Variants in CDH2 observed in about 807,000 individuals in gnomAD.
CDH2 encodes the protein cadherin-2.
CDH2 carries 17 observed loss-of-function variants against 92.0 expected under a neutral mutation model. The ratio of observed to expected loss-of-function variants is 0.18; its 90% CI spans 0.13 to 0.28. The LOEUF is 0.28. Ranked by LOEUF, CDH2 falls within the 10% of genes least tolerant of loss-of-function variation. CDH2 has a pLI of 1.00. For synonymous variants in CDH2, 419 were observed against 415.9 expected (o/e 1.01, Z -0.09); for missense variants, 862 against 1,133.1 (o/e 0.76, Z 3.44).
intron 4 of CDH2, among the ~76,000 whole-genome samples, chr18:28,010,396 C>T (rs1599031193): frequency 1.3e-5 from 2 of 152,026 alleles, no homozygotes; most frequent in African/African-American, 2.4e-5. Flanking sequence ...CAAAGCTTTC[C>T]GTATCATTTT....
chr18:28,031,838 T>C (rs2013703313), intron 2 of CDH2, among the ~76,000 whole-genome samples: 1 of 152,164 alleles, frequency 6.6e-6, no homozygotes, highest in South Asian at 2.1e-4. Context: ...TTCCTTTTTC[T>C]TTAAGTGACA....
intron 2 of CDH2, among the ~76,000 whole-genome samples, chr18:28,080,923 T>C (rs1434371773): frequency 1.3e-5 from 2 of 152,224 alleles, no homozygotes; most frequent in Non-Finnish European, 2.9e-5. Context: ...CTGGAAAGCA[T>C]AGTTGTGCCT....
At chr18:28,095,359 T>C (rs1322026330) in intron 2 of CDH2, among the ~76,000 whole-genome samples, 3 of 151,982 alleles carry the variant, frequency 2.0e-5, no homozygotes, top group East Asian at 1.9e-4. Flanking sequence ...GGTGGGAGAA[T>C]TGCTTGAGGT....
intron 2 of CDH2, among the ~76,000 whole-genome samples, chr18:28,116,126 C>T (rs780634445): frequency 6.6e-6 from 1 of 152,102 alleles, no homozygotes; most frequent in African/African-American, 2.4e-5. Flanking sequence ...ATTCACAGAA[C>T]GACGACCCTA....
At chr18:28,055,171 G>A (rs1180342025) in intron 2 of CDH2, among the ~76,000 whole-genome samples, 1 of 152,142 alleles carries the variant, frequency 6.6e-6, no homozygotes, top group African/African-American at 2.4e-5. Context: ...AGACAAGAAT[G>A]AGAGCCAAGC....
intron 1 of CDH2, among the ~76,000 whole-genome samples, chr18:28,164,098 C>T (rs1269053394): frequency 6.6e-6 from 1 of 152,152 alleles, no homozygotes; most frequent in Non-Finnish European, 1.5e-5. Context: ...TATCACACTT[C>T]ACAATAAAAA....
At chr18:28,171,358 T>A in intron 1 of CDH2, among the ~76,000 whole-genome samples, 1 of 152,060 alleles carries the variant, frequency 6.6e-6, no homozygotes, top group Non-Finnish European at 1.5e-5. Flanking sequence ...GGCTATCTTC[T>A]CTCAAAGAAA....
chr18:28,103,983 G>A (rs994690557), intron 2 of CDH2, among the ~76,000 whole-genome samples: 2 of 152,156 alleles, frequency 1.3e-5, no homozygotes, highest in Non-Finnish European at 2.9e-5. Flanking sequence ...TGGCCCAGGA[G>A]AAGTTGGGGC....
intron 7 of CDH2, among the ~76,000 whole-genome samples, chr18:27,996,095 C>T (rs1472844249): frequency 6.6e-6 from 1 of 152,006 alleles, no homozygotes. Context: ...GAATAAAATC[C>T]AAAATCATCT....
chr18:28,043,470 ATAT>A (rs1567976422), intron 2 of CDH2, among the ~76,000 whole-genome samples: 1 of 59,896 alleles, frequency 1.7e-5, no homozygotes, highest in Non-Finnish European at 3.0e-5. Flanking sequence ...AAATATATAT[ATAT>A]ATATATATAT....
chr18:28,165,944 C>T (rs946151334), intron 1 of CDH2, among the ~76,000 whole-genome samples: 1 of 151,050 alleles, frequency 6.6e-6, no homozygotes, highest in Non-Finnish European at 1.5e-5. Context: ...TATACAAAAT[C>T]CAGGGGACAA....
chr18:28,138,816 G>C (rs1192772741), intron 2 of CDH2, among the ~76,000 whole-genome samples: 1 of 152,080 alleles, frequency 6.6e-6, no homozygotes, highest in Non-Finnish European at 1.5e-5. Context: ...AGTCACCAGT[G>C]GGTAAAAATT....
At chr18:28,070,723 A>C (rs970561196) in intron 2 of CDH2, among the ~76,000 whole-genome samples, 3 of 152,192 alleles carry the variant, frequency 2.0e-5, no homozygotes, top group African/African-American at 7.2e-5. Context: ...TGGGGACAAC[A>C]AAGTGTAAAC....
chr18:28,170,288 T>C (rs774857423), intron 1 of CDH2, among the ~76,000 whole-genome samples: 1 of 152,316 alleles, frequency 6.6e-6, no homozygotes, highest in Middle Eastern at 3.4e-3. Flanking sequence ...CTGTGTCAAA[T>C]TAATCCTCAT....
At chr18:27,934,266 A>G (rs1251205160) in intron 6 of CDH2, among the ~76,000 whole-genome samples, 5 of 152,060 alleles carry the variant, frequency 3.3e-5, no homozygotes, top group Non-Finnish European at 5.9e-5. Context: ...GTCTGTATCG[A>G]TGTCTGTCAA....
intron 2 of CDH2, among the ~76,000 whole-genome samples, chr18:28,130,600 C>A (rs2015751153): frequency 6.6e-6 from 1 of 152,230 alleles, no homozygotes; most frequent in Non-Finnish European, 1.5e-5. Context: ...AATTCACTGG[C>A]ACAAGTCCTG....
At chr18:28,027,636 T>C (rs1374061464) in intron 2 of CDH2, among the ~76,000 whole-genome samples, 1 of 152,174 alleles carries the variant, frequency 6.6e-6, no homozygotes, top group Non-Finnish European at 1.5e-5. Flanking sequence ...TACAATTTTA[T>C]ATATTAAACT....
chr18:28,050,359 C>A (rs919201138), intron 2 of CDH2, among the ~76,000 whole-genome samples: 1 of 152,074 alleles, frequency 6.6e-6, no homozygotes, highest in Non-Finnish European at 1.5e-5. Flanking sequence ...TTTAGTTTTA[C>A]CCCCTTCTGA....
At chr18:27,933,046 G>A (rs545482081) in exon 7 of CDH2, among the ~76,000 whole-genome samples, 4 of 152,106 alleles carry the variant, frequency 2.6e-5, no homozygotes, top group African/African-American at 9.7e-5. Flanking sequence ...CCAAAGGCAG[G>A]CATGATAGAT....
Sources: gnomAD v4.1 joint callset for allele counts (sites outside exome capture counted in the v4.1 genomes callset) on GRCh38, gnomAD v4.1.1 for gene constraint, MANE v1.5 for transcripts, NCBI Gene and HGNC (gene_info 2026-07-23, HGNC 2026-07-21) for gene names.